The following ZDHHC14 variants were observed in gnomAD, a reference collection of about 807,000 sequenced individuals.
ZDHHC14 encodes the protein zDHHC palmitoyltransferase 14.
Under a neutral mutation model 47.7 loss-of-function variants are expected in ZDHHC14, and 16 were observed. That is an observed-to-expected ratio of 0.34 (90% CI 0.23 to 0.51). ZDHHC14 has a LOEUF of 0.51. Among genes scored for constraint, ZDHHC14 ranks in the 20% least tolerant of loss-of-function variants. The probability of loss-of-function intolerance (pLI) is 0.97; values close to 1 mark genes in which losing one functional copy is unlikely to be tolerated. For missense variants in ZDHHC14, 515 were observed against 662.5 expected, an observed-to-expected ratio of 0.78 and a Z score of 2.44; for synonymous variants, 293 against 278.9, an observed-to-expected ratio of 1.05 and a Z score of -0.50.
At chr6:157,524,034 C>T (rs1562461592) in intron 1 of ZDHHC14, among the ~76,000 whole-genome samples, 1 of 152,098 alleles carries the variant, frequency 6.6e-6, no homozygotes, top group Non-Finnish European at 1.5e-5. Flanking sequence ...AGAAATGCAG[C>T]TGGAAGAGAT....
chr6:157,621,627 C>T (rs746347352), intron 3 of ZDHHC14, among the ~76,000 whole-genome samples: 5 of 152,130 alleles, frequency 3.3e-5, no homozygotes, highest in Non-Finnish European at 5.9e-5. Flanking sequence ...CATGCCTGGC[C>T]ACAGGACATA....
intron 3 of ZDHHC14, among the ~76,000 whole-genome samples, chr6:157,613,726 T>C (rs1429706134): frequency 6.6e-6 from 1 of 152,200 alleles, no homozygotes; most frequent in Non-Finnish European, 1.5e-5. Flanking sequence ...TATTTCAGTT[T>C]CTGTGAACTA....
Position 157,389,914 on chromosome 6 carries a change from C to T in ZDHHC14, c.245+7648C>T, listed in dbSNP as rs141270378. Among the ~76,000 whole-genome samples, 873 of 151,894 alleles carry T rather than the reference C, an allele frequency of 5.7e-3. 3 individuals carry two copies. The highest frequency in any genetic ancestry group is 7.7e-3 in the Non-Finnish European group (520 of 67,918). On this transcript the variant is annotated intron_variant, in intron 1 of 8. Transcript: ENST00000359775. ...ACATATTTTAAAACACATATACACA[C>T]GTATAAGATATAAAACATATATATG...
At chr6:157,490,941 T>C (rs1562446790) in intron 1 of ZDHHC14, among the ~76,000 whole-genome samples, 2 of 151,708 alleles carry the variant, frequency 1.3e-5, no homozygotes, top group East Asian at 3.9e-4. Flanking sequence ...CTATTTTGCA[T>C]ATAAGAGAAT....
At chr6:157,473,935 T>A (rs866583979) in intron 1 of ZDHHC14, among the ~76,000 whole-genome samples, 4 of 151,850 alleles carry the variant, frequency 2.6e-5, no homozygotes. Flanking sequence ...GAAGTGCTAA[T>A]GGTCACAAGC....
intron 1 of ZDHHC14, among the ~76,000 whole-genome samples, 170 bp downstream of exon 1, chr6:157,382,436 C>T (rs1487013585): frequency 2.6e-5 from 4 of 152,102 alleles, no homozygotes; most frequent in Non-Finnish European, 4.4e-5. Flanking sequence ...GCTTTTGGGC[C>T]CCCGGAAAGA....
chr6:157,565,229 G>A (rs1312544424), intron 2 of ZDHHC14, among the ~76,000 whole-genome samples: 2 of 152,100 alleles, frequency 1.3e-5, no homozygotes, highest in South Asian at 2.1e-4. Context: ...CCAGGCAAAA[G>A]AGTGAGACCT....
At chr6:157,585,754 G>A (rs943041773) in intron 2 of ZDHHC14, among the ~76,000 whole-genome samples, 11 of 152,218 alleles carry the variant, frequency 7.2e-5, no homozygotes, top group Admixed American at 4.6e-4. Context: ...CTTCTCAGCC[G>A]GCCCTTTTTG....
intron 4 of ZDHHC14, 100 bp downstream of exon 4, chr6:157,628,586 C>G (rs1785533110): frequency 2.0e-6 from 3 of 1,472,704 alleles, no homozygotes; most frequent in Admixed American, 4.2e-5. Flanking sequence ...TTCGGGCTTT[C>G]TCTTTCCCTT....
intron 3 of ZDHHC14, among the ~76,000 whole-genome samples, chr6:157,626,015 G>A (rs756625290): frequency 7.9e-5 from 12 of 151,996 alleles, no homozygotes; most frequent in Non-Finnish European, 1.5e-4. Context: ...TGCCTCCGTC[G>A]GGAAAGCACA....
intron 1 of ZDHHC14, among the ~76,000 whole-genome samples, chr6:157,425,743 C>A (rs540418959): frequency 2.0e-5 from 3 of 152,188 alleles, no homozygotes; most frequent in Non-Finnish European, 4.4e-5. Context: ...CTGGGCCATC[C>A]GGTCCCTGTT....
chr6:157,573,181 A>G (rs1018266958), intron 2 of ZDHHC14, among the ~76,000 whole-genome samples: 2 of 151,442 alleles, frequency 1.3e-5, no homozygotes, highest in African/African-American at 2.4e-5. Context: ...CTCCCCTTTC[A>G]TCTTTCCCAC....
chr6:157,645,797 C>T lies in ZDHHC14; in HGVS notation c.813C>T (p.Phe271=), dbSNP rs766133648. ...SVWSIVGLSG[F]HTYLISSNQT... is the part of the protein sequence containing the mutation. The stretch of plus-strand genomic sequence containing the variant: ...GGTCCATCGTTGGCCTCTCAGGATT[C>T]CACACCTACTTGATCAGCTCCAACC... The change falls in exon 6 of 9, where the codon TTC becomes TTT. Residue 271 remains phenylalanine (F), a synonymous_variant. Transcript: ENST00000359775. The T allele has an allele frequency of 8.7e-6, 14 of 1,614,138 alleles. 1 individual carries two copies. In the South Asian group the frequency reaches 1.4e-4, roughly 16 times the overall value.
At chr6:157,658,308 G>A (rs1286244466) in intron 8 of ZDHHC14, among the ~76,000 whole-genome samples, 1 of 152,154 alleles carries the variant, frequency 6.6e-6, no homozygotes, top group Non-Finnish European at 1.5e-5. Flanking sequence ...CAAAATAGGA[G>A]GTGGGATTAA....
chr6:157,636,382 T>C (rs926201239), intron 5 of ZDHHC14, among the ~76,000 whole-genome samples: 1 of 152,146 alleles, frequency 6.6e-6, no homozygotes, highest in Non-Finnish European at 1.5e-5. Context: ...TATCTGTATG[T>C]CTATCAGTAA....
At chr6:157,505,990 G>A (rs548889840) in intron 1 of ZDHHC14, among the ~76,000 whole-genome samples, 1 of 152,342 alleles carries the variant, frequency 6.6e-6, no homozygotes, top group African/African-American at 2.4e-5. Context: ...GAGCTCTAGT[G>A]TAGATAGCAC....
At chr6:157,660,203 T>C (rs1213190732) in intron 8 of ZDHHC14, among the ~76,000 whole-genome samples, 4 of 151,608 alleles carry the variant, frequency 2.6e-5, no homozygotes, top group Admixed American at 6.6e-5. Flanking sequence ...TTTTTTTTTT[T>C]TCTTTTTAGA....
intron 1 of ZDHHC14, among the ~76,000 whole-genome samples, chr6:157,413,339 A>G (rs963735174): frequency 3.1e-4 from 47 of 152,198 alleles, no homozygotes; most frequent in African/African-American, 1.1e-3. Flanking sequence ...CTGAAGATTT[A>G]CATATGGAGA....
chr6:157,600,587 G>A (rs1486998308), intron 3 of ZDHHC14, among the ~76,000 whole-genome samples: 1 of 152,118 alleles, frequency 6.6e-6, no homozygotes, highest in Non-Finnish European at 1.5e-5. Context: ...TGTGTTTTTA[G>A]TAAAGATGGG....
Sources: gnomAD v4.1 joint callset for allele counts (sites outside exome capture counted in the v4.1 genomes callset) on GRCh38, gnomAD v4.1.1 for gene constraint, MANE v1.5 for transcripts, NCBI Gene and HGNC (gene_info 2026-07-23, HGNC 2026-07-21) for gene names.